CHCHD3: variants seen among roughly 807,000 people sequenced by gnomAD.
The protein encoded by CHCHD3 is coiled-coil-helix-coiled-coil-helix domain containing 3, also known as MICOS complex subunit MIC19.
In CHCHD3, 20 loss-of-function variants were observed where a neutral mutation model predicts 38.2. The observed-to-expected ratio is 0.52, with a 90% CI of 0.37 to 0.76. The LOEUF is 0.76. Ranked by LOEUF, CHCHD3 falls within the 30% of genes least tolerant of loss-of-function variation. CHCHD3 has a pLI of 0.00. For synonymous variants in CHCHD3, 82 were observed against 100.0 expected (o/e 0.82, Z 1.07); for missense variants, 245 against 279.2 (o/e 0.88, Z 0.87).
At chr7:132,834,631 A>G (rs1807731306) in intron 6 of CHCHD3, among the ~76,000 whole-genome samples, 1 of 152,212 alleles carries the variant, frequency 6.6e-6, no homozygotes, top group African/African-American at 2.4e-5. Context: ...AAACTCAGTT[A>G]TGGTTTACTA....
intron 2 of CHCHD3, among the ~76,000 whole-genome samples, chr7:133,038,483 T>G (rs1386793028): frequency 6.6e-6 from 1 of 152,136 alleles, no homozygotes; most frequent in South Asian, 2.1e-4. Context: ...AGAGAGGAAA[T>G]GTTAGAGAGC....
chr7:133,002,063 C>T (rs1377061942), intron 3 of CHCHD3, among the ~76,000 whole-genome samples: 1 of 152,100 alleles, frequency 6.6e-6, no homozygotes, highest in African/African-American at 2.4e-5. Context: ...ATGTAATTTA[C>T]TAAGTGGTCT....
chr7:133,019,043 C>A (rs1291172237), intron 3 of CHCHD3, among the ~76,000 whole-genome samples: 2 of 151,908 alleles, frequency 1.3e-5, no homozygotes, highest in African/African-American at 2.4e-5. Flanking sequence ...GCCACCACAC[C>A]CAGCTAATTT....
In CHCHD3 at chr7:133,031,891, T is replaced by C. The variant is rs1349720968; in HGVS notation, c.170-7264A>G. Among the ~76,000 whole-genome samples, 5 of 152,172 alleles carry C rather than the reference T, an allele frequency of 3.3e-5. No homozygotes were observed. The South Asian group carries it at 6.2e-4, about 19-fold the overall frequency. On this transcript the variant is annotated intron_variant, in intron 2 of 7. Transcript: ENST00000262570. ...TAGCCAAATTAAATTTTCAGCTCAA[T>C]AGAAATACTCATTAATCTTATAATT...
chr7:132,913,869 C>T (rs1328074143), intron 4 of CHCHD3, among the ~76,000 whole-genome samples: 1 of 152,118 alleles, frequency 6.6e-6, no homozygotes, highest in African/African-American at 2.4e-5. Flanking sequence ...GCAGCAAATC[C>T]AGCCAATGGG....
At chr7:132,992,219 A>T (rs1459443483) in intron 3 of CHCHD3, among the ~76,000 whole-genome samples, 2 of 152,186 alleles carry the variant, frequency 1.3e-5, no homozygotes, top group African/African-American at 4.8e-5. Context: ...CAGCAGCAGC[A>T]GTTGAGTCTG....
intron 5 of CHCHD3, among the ~76,000 whole-genome samples, chr7:132,855,137 T>G (rs1426270417): frequency 6.6e-6 from 1 of 152,202 alleles, no homozygotes; most frequent in Non-Finnish European, 1.5e-5. Flanking sequence ...AATCAGTCCC[T>G]AAGTCCAGAG....
chr7:132,892,399 T>C (rs1266526846), intron 4 of CHCHD3, among the ~76,000 whole-genome samples: 2 of 152,082 alleles, frequency 1.3e-5, no homozygotes, highest in African/African-American at 4.8e-5. Context: ...TTGAGAGAGA[T>C]GATGTGAAAT....
At chr7:132,818,021 A>G (rs1444696382) in intron 6 of CHCHD3, among the ~76,000 whole-genome samples, 1 of 152,218 alleles carries the variant, frequency 6.6e-6, no homozygotes, top group Non-Finnish European at 1.5e-5. Context: ...TATTGCTATG[A>G]GGGCCCACCC....
At chr7:133,063,638 C>T (rs10254836) in intron 2 of CHCHD3, among the ~76,000 whole-genome samples, 58,451 of 151,942 alleles carry the variant, frequency 0.38, 11,456 homozygotes, top group East Asian at 0.55. Flanking sequence ...TCTTACCACT[C>T]GGATTTGTTT....
chr7:133,067,720 T>C (rs1814711999), intron 2 of CHCHD3, among the ~76,000 whole-genome samples: 1 of 152,256 alleles, frequency 6.6e-6, no homozygotes, highest in South Asian at 2.1e-4. Flanking sequence ...TTTCAGTATC[T>C]CCTAGGTTTC....
chr7:132,862,250 CT>C (rs902959436), intron 5 of CHCHD3, among the ~76,000 whole-genome samples: 1 of 151,888 alleles, frequency 6.6e-6, no homozygotes, highest in African/African-American at 2.4e-5. Flanking sequence ...GGAGGAAATA[CT>C]TTTATTTTAC....
chr7:132,975,200 C>T lies in CHCHD3; in HGVS notation c.338G>A (p.Ser113Asn). Residue 113 changes from serine to asparagine, a missense_variant, in exon 4 of 8, where the codon AGC becomes AAC. Ser to Asn is a conservative substitution (Grantham distance 46). Coordinates refer to ENST00000262570, the MANE Select transcript of CHCHD3 (RefSeq NM_017812.4). ...TRAILRERIC[S>N]EEERAKAKHL... ...CTTTGCCTTAGCGCGTTCCTCCTCG[C>T]TACATATCCTCTCCCGAAGGATGGC... 1 of 1,612,404 alleles carries T rather than the reference C, an allele frequency of 6.2e-7. No individual in the cohort carries two copies. The highest frequency in any genetic ancestry group is 8.5e-7 in the Non-Finnish European group (1 of 1,179,994).
intron 4 of CHCHD3, among the ~76,000 whole-genome samples, chr7:132,894,524 C>A (rs150676516): frequency 6.6e-6 from 1 of 152,178 alleles, no homozygotes; most frequent in African/African-American, 2.4e-5. Context: ...TCCTATGGCA[C>A]TTGTTTTTGC....
intron 5 of CHCHD3, among the ~76,000 whole-genome samples, chr7:132,858,362 ACTTTTTTC>A (rs1808397219): frequency 6.6e-6 from 1 of 152,018 alleles, no homozygotes; most frequent in Non-Finnish European, 1.5e-5. Context: ...TGGCATCTTC[ACTTTTTTC>A]CTCTTTTCTC....
At chr7:132,980,257 T>A (rs1340137200) in intron 3 of CHCHD3, among the ~76,000 whole-genome samples, 2 of 152,232 alleles carry the variant, frequency 1.3e-5, no homozygotes, top group Non-Finnish European at 1.5e-5. Context: ...CAGGACTTTA[T>A]ATGTAAAGGC....
At position 132,841,414 on chromosome 7, in the gene CHCHD3, AC is replaced by A. The variant is rs1210897156; in HGVS notation, c.454-2946del. On this transcript the variant is annotated intron_variant, in intron 5 of 7. Transcript: ENST00000262570. ...ACAGAACTCATTCAAAAAAAAAAAA[AC>A]AAACAACAACAACAAAAAAAAAAAA... Among the ~76,000 whole-genome samples, 261 of 139,040 alleles carry A rather than the reference AC, an allele frequency of 1.9e-3. 1 individual carries two copies. Among genetic ancestry groups the A allele is most frequent in the African/African-American group, 5.8e-3 (223 of 38,492 alleles). The allele number at this position is 139,040 out of a possible 152,430, so 91.2% of individuals were successfully genotyped here. A position where few individuals can be genotyped will look rare whatever the true frequency, so the allele number is the denominator to read the frequency against.
At chr7:132,911,478 A>C (rs551839406) in intron 4 of CHCHD3, among the ~76,000 whole-genome samples, 3 of 152,348 alleles carry the variant, frequency 2.0e-5, no homozygotes, top group Non-Finnish European at 2.9e-5. Context: ...AGACGCTGAC[A>C]ATGGACCTAT....
chr7:133,030,858 G>A (rs149834953), intron 2 of CHCHD3, among the ~76,000 whole-genome samples: 2 of 152,296 alleles, frequency 1.3e-5, no homozygotes, highest in African/African-American at 4.8e-5. Context: ...CAATTGCTTA[G>A]TTCTAGCAAG....
Sources: allele counts gnomAD v4.1 joint callset (sites outside exome capture counted in the v4.1 genomes callset), GRCh38; gene constraint gnomAD v4.1.1; transcripts MANE v1.5; gene names NCBI Gene and HGNC (gene_info 2026-07-23, HGNC 2026-07-21).